The following THAP5 variants were observed in gnomAD, a reference collection of about 807,000 sequenced individuals.
THAP5 encodes the protein THAP domain-containing protein 5.
In THAP5, 26 loss-of-function variants were observed where a neutral mutation model predicts 34.0. The observed-to-expected ratio is 0.77, with a 90% CI of 0.56 to 1.06. THAP5 has a LOEUF of 1.06. THAP5 is among the 50% of genes least tolerant of loss of function. The probability of loss-of-function intolerance (pLI) is 0.00; values close to 1 mark genes in which losing one functional copy is unlikely to be tolerated. For missense variants in THAP5, 394 were observed against 452.8 expected, an observed-to-expected ratio of 0.87 and a Z score of 1.18; for synonymous variants, 125 against 153.0, an observed-to-expected ratio of 0.82 and a Z score of 1.35.
downstream of THAP5, among the ~76,000 whole-genome samples, chr7:108,561,327 G>A (rs888735663): frequency 2.6e-5 from 4 of 150,982 alleles, no homozygotes; most frequent in Non-Finnish European, 5.9e-5. Flanking sequence ...GCAGTGGCAC[G>A]ATCTCAGCCC....
At chr7:108,566,958 AT>A (rs1459133634) in intron 1 of THAP5, among the ~76,000 whole-genome samples, 1 of 152,114 alleles carries the variant, frequency 6.6e-6, no homozygotes, top group Non-Finnish European at 1.5e-5. Flanking sequence ...ACACCACATA[AT>A]TTCCTGTTTT....
At chr7:108,556,780 C>G (rs973391195) in intron 1 of THAP5, among the ~76,000 whole-genome samples, 2 of 152,342 alleles carry the variant, frequency 1.3e-5, no homozygotes, top group East Asian at 3.9e-4. Flanking sequence ...TCCCACAGCT[C>G]CACTAGGCAG....
At chr7:108,569,217 GA>G in intron 1 of THAP5, 1 of 1,349,966 alleles carries the variant, frequency 7.4e-7, no homozygotes, top group East Asian at 2.8e-5. Flanking sequence ...GGAAAAGACT[GA>G]AAACCACAGA....
downstream of THAP5, among the ~76,000 whole-genome samples, chr7:108,558,285 G>A (rs1274758352): frequency 6.7e-6 from 1 of 150,328 alleles, no homozygotes; most frequent in African/African-American, 2.5e-5. Context: ...AGCAAATCTT[G>A]AAAAATCCAC....
the THAP5 span, among the ~76,000 whole-genome samples, chr7:108,544,619 A>C: frequency 6.6e-6 from 1 of 152,106 alleles, no homozygotes; most frequent in Non-Finnish European, 1.5e-5. Context: ...AAAAACGCTT[A>C]TGAAACAAAC....
intron 1 of THAP5, among the ~76,000 whole-genome samples, chr7:108,556,340 A>G (rs1282532248): frequency 6.6e-6 from 1 of 152,206 alleles, no homozygotes; most frequent in African/African-American, 2.4e-5. Flanking sequence ...GTCCAAGTTC[A>G]AAGTCTCATC....
intron 1 of THAP5, among the ~76,000 whole-genome samples, chr7:108,555,853 C>G (rs1864382337): frequency 6.6e-6 from 1 of 151,868 alleles, no homozygotes; most frequent in Non-Finnish European, 1.5e-5. Context: ...CAGGCGAGCA[C>G]CACCATGCCT....
chr7:108,566,045 G>A (rs954735678), intron 1 of THAP5, 23 bp from the exon 2 acceptor site: 6 of 1,484,860 alleles, frequency 4.0e-6, no homozygotes, highest in Non-Finnish European at 4.5e-6. Flanking sequence ...AAAAAAAGAA[G>A]AAAAAAGGAA....
At chr7:108,550,232 G>C (rs1044542606), downstream of THAP5, among the ~76,000 whole-genome samples, 3 of 152,040 alleles carry the variant, frequency 2.0e-5, no homozygotes, top group Non-Finnish European at 4.4e-5. Flanking sequence ...TTCCAGTGTA[G>C]CTAAGAAGTT....
chr7:108,553,418 A>G (rs1599006681), downstream of THAP5, among the ~76,000 whole-genome samples: 1 of 152,136 alleles, frequency 6.6e-6, no homozygotes, highest in East Asian at 1.9e-4. Flanking sequence ...TCCATAAACC[A>G]GCATAACCGT....
At chr7:108,548,914 C>A in the THAP5 span, among the ~76,000 whole-genome samples, 1 of 152,124 alleles carries the variant, frequency 6.6e-6, no homozygotes, top group African/African-American at 2.4e-5. Flanking sequence ...AGGAGTGAGC[C>A]CATAGCTCTT....
intron 1 of THAP5, among the ~76,000 whole-genome samples, chr7:108,556,464 A>G (rs1028018399): frequency 1.3e-5 from 2 of 152,216 alleles, no homozygotes; most frequent in African/African-American, 2.4e-5. Context: ...TCCCATTCCA[A>G]AAGGGATAAA....
chr7:108,560,306 T>C (rs1291768693), downstream of THAP5, among the ~76,000 whole-genome samples: 1 of 152,230 alleles, frequency 6.6e-6, no homozygotes, highest in Non-Finnish European at 1.5e-5. Context: ...AGTTACCTGC[T>C]TGCTCACCCA....
At chr7:108,566,155 T>C in intron 1 of THAP5, 133 bp from the exon 2 acceptor site, 1 of 670,698 alleles carries the variant, frequency 1.5e-6, no homozygotes, top group Non-Finnish European at 2.4e-6. Flanking sequence ...CAACCATCCC[T>C]ACCAAATAAG....
the THAP5 span, among the ~76,000 whole-genome samples, chr7:108,543,143 T>A: frequency 6.6e-6 from 1 of 151,632 alleles, no homozygotes; most frequent in African/African-American, 2.4e-5. Flanking sequence ...TAGCCAGGAT[T>A]GTCTCGATCT....
downstream of THAP5, among the ~76,000 whole-genome samples, chr7:108,550,428 A>C (rs373298787): frequency 2.6e-5 from 4 of 152,056 alleles, no homozygotes; most frequent in East Asian, 5.8e-4. Flanking sequence ...CAGGTCCAGA[A>C]AAGTTACTTG....
At chr7:108,549,917 T>C (rs374220182), downstream of THAP5, among the ~76,000 whole-genome samples, 11 of 152,218 alleles carry the variant, frequency 7.2e-5, no homozygotes, top group South Asian at 2.1e-4. Context: ...TAACGTTGTA[T>C]TGGGGCCCTT....
Position 108,564,733 on chromosome 7 carries a change from G to T in THAP5, c.646C>A (p.His216Asn), listed in dbSNP as rs192004311. Residue 216 changes from histidine to asparagine, a missense_variant, in exon 3 of 3, where the codon CAT (histidine) becomes AAT (asparagine). By Grantham distance (68) the His-to-Asn change is moderately conservative. Coordinates refer to ENST00000415914, the MANE Select transcript of THAP5 (RefSeq NM_001130475.3). ...ACTTCTTGAGTTTCCAAAGATTGAT[G>T]AATACTTTCTGAATTTGAAGTTGTC... is the stretch of plus-strand genomic sequence containing the variant. ...TLTTSNSESI[H>N]QSLETQEVLE... 1 of 1,613,564 alleles carries T rather than the reference G, an allele frequency of 6.2e-7. No homozygotes were observed. The highest frequency in any genetic ancestry group is 8.5e-7 in the Non-Finnish European group (1 of 1,179,736).
chr7:108,543,244 T>G, the THAP5 span, among the ~76,000 whole-genome samples: 1 of 152,266 alleles, frequency 6.6e-6, no homozygotes, highest in Non-Finnish European at 1.5e-5. Context: ...AACAATTGAC[T>G]GGAACAGTAT....
Sources: allele counts gnomAD v4.1 joint callset (sites outside exome capture counted in the v4.1 genomes callset), GRCh38; gene constraint gnomAD v4.1.1; transcripts MANE v1.5; gene names NCBI Gene and HGNC (gene_info 2026-07-23, HGNC 2026-07-21).